The following CDK12 variants were observed in gnomAD, a reference collection of about 807,000 sequenced individuals.
CDK12 encodes the protein cyclin-dependent kinase 12.
In CDK12, 17 loss-of-function variants were observed where a neutral mutation model predicts 133.8. That is an observed-to-expected ratio of 0.13 (90% confidence interval 0.09 to 0.19). The LOEUF (loss-of-function observed/expected upper bound fraction) is 0.19. Ranked by LOEUF, CDK12 falls within the 10% of genes least tolerant of loss-of-function variation. CDK12 has a pLI of 1.00. For synonymous variants in CDK12, 694 were observed against 683.6 expected, an observed-to-expected ratio of 1.02 and a Z score of -0.24; for missense variants, 1,508 against 1,818.7, an observed-to-expected ratio of 0.83 and a Z score of 3.11.
Position 39,520,035 on chromosome 17 carries a change from C to G in CDK12, c.3043C>G (p.Leu1015Val). ...PSKRCTAEQT[L>V]QSDFLKDVEL... ...TAAGCGGTGCACAGCTGAACAGACC[C>G]TACAGAGCGACTTCCTTAAAGATGT... Residue 1015 changes from leucine (L) to valine (V), a missense_variant, in exon 11 of 14, where the codon CTA becomes GTA. This residue lies in a region of CDK12 where 399 missense variants were observed against 469.6 expected (regional missense o/e 0.85). Coordinates refer to ENST00000447079, the MANE Select transcript of CDK12 (RefSeq NM_016507.4). 1 of 1,614,084 alleles carries G rather than the reference C, an allele frequency of 6.2e-7. No homozygotes were observed. The highest frequency in any genetic ancestry group is 8.5e-7 in the Non-Finnish European group (1 of 1,179,992).
Position 39,481,201 on chromosome 17 carries a change from C to T in CDK12, c.1932-9356C>T, listed in dbSNP as rs548969012. Among the ~76,000 whole-genome samples the T allele has an allele frequency of 1.7e-3, 260 of 148,822 alleles. 2 individuals carry two copies. Among genetic ancestry groups the T allele is most frequent in the Middle Eastern group, 3.5e-3 (1 of 282 alleles). ...TCGGGGGGCGGAGGTTGCGGTGAGCCGAGATCACGCCATTGCACTCCAGCC... is the reference window on the plus strand; with the variant it reads ...TCGGGGGGCGGAGGTTGCGGTGAGCTGAGATCACGCCATTGCACTCCAGCC... On this transcript the variant is annotated intron_variant, in intron 2 of 13. Transcript: ENST00000447079.
Position 39,533,273 on chromosome 17 carries a change from G to A in CDK12, c.*1957G>A. 4.3e-6 allele frequency: 1 copy of A among 233,042 alleles called. No individual in the cohort carries two copies. Among genetic ancestry groups the A allele is most frequent in the East Asian group, 6.0e-5 (1 of 16,650 alleles). The allele number at this position is 233,042 out of a possible 1,614,324, so 14.4% of individuals were successfully genotyped here. The stretch of plus-strand genomic sequence containing the variant: ...GCCTTCTAGCTATTTTGGCATTGAT[G>A]GCTTTTTATACCAGTGTGTCCAGTT... On this transcript the variant is annotated 3_prime_UTR_variant, in exon 14 of 14. Transcript: ENST00000447079.
intron 2 of CDK12, among the ~76,000 whole-genome samples, chr17:39,487,718 G>A (rs1055666407): frequency 9.6e-5 from 14 of 146,596 alleles, no homozygotes; most frequent in Admixed American, 6.5e-4. Context: ...CCCAGTTCAA[G>A]CAATTCTCAT....
intron 1 of CDK12, among the ~76,000 whole-genome samples, chr17:39,467,075 T>G (rs1474346884): frequency 6.6e-6 from 1 of 152,014 alleles, no homozygotes; most frequent in Non-Finnish European, 1.5e-5. Flanking sequence ...GCCTCCCAGG[T>G]TCAAGCGATT....
At position 39,461,950 on chromosome 17, in the gene CDK12, C is replaced by T. The variant is rs537892932; in HGVS notation, c.-122C>T. ...GAGGAGCCTGGGCTACCGTCCCTGC[C>T]CTCCCCACCCCCTTCCCGGGGCGCT... On this transcript the variant is annotated 5_prime_UTR_variant, in exon 1 of 14. Transcript: ENST00000447079. The T allele has an allele frequency of 6.7e-6, 5 of 748,888 alleles. No individual in the cohort carries two copies. The African/African-American group carries it at 8.9e-5, about 13-fold the overall frequency. The allele number at this position is 748,888 out of a possible 1,614,324, so 46.4% of individuals were successfully genotyped here.
In CDK12 at chr17:39,471,352, C is replaced by T. The variant is rs2049777311; in HGVS notation, c.1520C>T (p.Ala507Val). The stretch of plus-strand genomic sequence containing the variant: ...GGAACAAGAGACTCTAAACCCATAG[C>T]ACTGAAAGAGGAGATTGTTACTCCA... ...AQGTRDSKPI[A>V]LKEEIVTPKE... Residue 507 changes from alanine to valine, a missense_variant, in exon 2 of 14, where the codon GCA (alanine) becomes GTA (valine). Ala to Val is a moderately conservative substitution (Grantham distance 64). Transcript: ENST00000447079. 1.9e-6 allele frequency: 3 copies of T among 1,614,028 alleles called. No individual in the cohort carries two copies. Among genetic ancestry groups the T allele is most frequent in the Non-Finnish European group, 2.5e-6 (3 of 1,179,976 alleles).
rs1026259941 is a variant in CDK12 at position 39,509,845 on chromosome 17, A to G, written c.2666+84A>G. Reference sequence around the variant, plus strand: ...GAGGCAGGATCTTATTCTGTTGCTCAGGCTGGAGTGCGTGGCTTGATCTCA... The same window carrying G: ...GAGGCAGGATCTTATTCTGTTGCTCGGGCTGGAGTGCGTGGCTTGATCTCA... On this transcript the variant is annotated intron_variant, in intron 7 of 13. Transcript: ENST00000447079. 7 of 1,048,842 alleles carry G rather than the reference A, an allele frequency of 6.7e-6. No homozygotes were observed. The Middle Eastern group carries it at 6.2e-4, about 92-fold the overall frequency. 65.0% of individuals were successfully genotyped at this position (1,048,842 alleles called of 1,614,324 possible).
intron 6 of CDK12, 84 bp from the exon 7 acceptor site, chr17:39,509,621 C>A: frequency 1.2e-6 from 1 of 852,280 alleles, no homozygotes; most frequent in Non-Finnish European, 2.0e-6. Context: ...AATTCCTTTA[C>A]CCCTAACTTG....
In CDK12 at chr17:39,501,342, T is replaced by C; in HGVS notation, c.2512T>C (p.Ser838Pro). 1 of 1,613,782 alleles carries C rather than the reference T, an allele frequency of 6.2e-7. No homozygotes were observed. The highest frequency in any genetic ancestry group is 8.5e-7 in the Non-Finnish European group (1 of 1,179,754). The part of the protein sequence containing the change: ...LVHFSEDHIK[S>P]FMKQLMEGLE... ...GCACTTTTCTGAGGACCATATCAAG[T>C]CGTTCATGAAACAGCTAATGGAAGG... is the stretch of plus-strand genomic sequence containing the variant. Residue 838 changes from serine to proline, a missense_variant, in exon 6 of 14, where the codon TCG (serine) becomes CCG (proline). This residue lies in a region of CDK12 where 21 missense variants were observed against 17.6 expected (regional missense o/e 1.19). Transcript: ENST00000447079.
chr17:39,505,781 T>G (rs1199878226), intron 6 of CDK12, among the ~76,000 whole-genome samples: 1 of 152,186 alleles, frequency 6.6e-6, no homozygotes, highest in African/African-American at 2.4e-5. Flanking sequence ...CCTGTTTATA[T>G]GGAGTACCAG....
chr17:39,465,352 T>C (rs1040524351), intron 1 of CDK12, among the ~76,000 whole-genome samples: 1 of 151,178 alleles, frequency 6.6e-6, no homozygotes, highest in Non-Finnish European at 1.5e-5. Flanking sequence ...TAGACATCAG[T>C]ATACTTCATT....
chr17:39,475,423 T>C (rs567047522), intron 2 of CDK12, among the ~76,000 whole-genome samples: 6 of 152,094 alleles, frequency 3.9e-5, no homozygotes, highest in African/African-American at 1.4e-4. Context: ...CGGTGAACTA[T>C]GATTGGGCCA....
At chr17:39,505,081 T>C (rs1171689110) in intron 6 of CDK12, among the ~76,000 whole-genome samples, 1 of 150,576 alleles carries the variant, frequency 6.6e-6, no homozygotes, top group African/African-American at 2.5e-5. Flanking sequence ...TACAAAAAAT[T>C]AGCTGGGCAT....
intron 2 of CDK12, among the ~76,000 whole-genome samples, chr17:39,480,786 G>A (rs978046072): frequency 6.6e-6 from 1 of 152,126 alleles, no homozygotes; most frequent in Non-Finnish European, 1.5e-5. Context: ...GGTATCAAAT[G>A]CAAGAGTGAA....
intron 2 of CDK12, among the ~76,000 whole-genome samples, chr17:39,487,663 C>T (rs1253635503): frequency 7.4e-6 from 1 of 135,436 alleles, no homozygotes; most frequent in Admixed American, 8.5e-5. Context: ...GTCACCCAGG[C>T]TGGAGTGCAG....
intron 2 of CDK12, among the ~76,000 whole-genome samples, chr17:39,551,768 C>A (rs2055964822): frequency 6.6e-6 from 1 of 152,170 alleles, no homozygotes; most frequent in East Asian, 1.9e-4. Flanking sequence ...TACCCATCCC[C>A]AACCCCTTGC....
At chr17:39,538,017 A>C (rs1224425528), downstream of CDK12, among the ~76,000 whole-genome samples, 1 of 152,156 alleles carries the variant, frequency 6.6e-6, no homozygotes, top group African/African-American at 2.4e-5. Flanking sequence ...AATTCCCCTT[A>C]ATTACAGTAG....
chr17:39,526,965 G>A (rs543410093), intron 13 of CDK12, among the ~76,000 whole-genome samples: 16 of 152,292 alleles, frequency 1.1e-4, no homozygotes, highest in African/African-American at 3.9e-4. Context: ...AAGGAAAATG[G>A]GGATAAGTTA....
At chr17:39,503,446 C>A (rs1187388703) in intron 6 of CDK12, among the ~76,000 whole-genome samples, 6 of 152,156 alleles carry the variant, frequency 3.9e-5, no homozygotes, top group African/African-American at 1.4e-4. Context: ...GACTCTACAT[C>A]TATAGTAAAT....
Sources: allele counts gnomAD v4.1 joint callset (sites outside exome capture counted in the v4.1 genomes callset), GRCh38; gene constraint gnomAD v4.1.1; regional missense constraint gnomAD v4.1.1; transcripts MANE v1.5; gene names NCBI Gene and HGNC (gene_info 2026-07-23, HGNC 2026-07-21).